The following PCNA variants were observed in gnomAD, a reference collection of about 807,000 sequenced individuals.
PCNA encodes the protein DNA sliding clamp PCNA.
Under a neutral mutation model 27.8 loss-of-function variants are expected in PCNA, and 4 were observed. That is an observed-to-expected ratio of 0.14 (90% confidence interval 0.07 to 0.33). PCNA has a LOEUF of 0.33. Ranked by LOEUF, PCNA falls within the 10% of genes least tolerant of loss-of-function variation. PCNA has a pLI of 1.00. For missense variants in PCNA, 165 were observed against 327.4 expected (o/e 0.50, Z 3.83); for synonymous variants, 121 against 119.4 (o/e 1.01, Z -0.09).
upstream of PCNA, among the ~76,000 whole-genome samples, chr20:5,120,687 T>C (rs2090513131): frequency 6.6e-6 from 1 of 152,226 alleles, no homozygotes; most frequent in Non-Finnish European, 1.5e-5. Flanking sequence ...ATAACATAAT[T>C]TATCAATCTC....
intron 1 of PCNA, among the ~76,000 whole-genome samples, chr20:5,119,135 G>A (rs2090497448): frequency 6.6e-6 from 1 of 151,920 alleles, no homozygotes; most frequent in Non-Finnish European, 1.5e-5. Context: ...CACATTTCTC[G>A]CAAGGGCATT....
intron 3 of PCNA, among the ~76,000 whole-genome samples, chr20:5,117,893 G>T (rs957587568): frequency 5.3e-5 from 8 of 152,246 alleles, no homozygotes; most frequent in Non-Finnish European, 1.5e-5. Context: ...CAGGGATAAA[G>T]TAAGAGAACA....
At position 5,118,827 on chromosome 20, in the gene PCNA, G is replaced by T. The variant is rs142530566; in HGVS notation, c.261C>A (p.Ile87=). 2.9e-5 allele frequency: 47 copies of T among 1,613,816 alleles called. No individual in the cohort carries two copies. In the African/African-American group the frequency reaches 5.7e-4, roughly 20 times the overall value. The change falls in exon 2 of 6, where the codon ATC becomes ATA. Residue 87 remains isoleucine (I), a synonymous_variant. Transcript: ENST00000379143. ...KILKCAGNED[I]ITLRAEDNAD... ...CGTTATCTTCGGCCCTTAGTGTAAT[G>T]ATATCTTCATTGCCGGCGCATTTTA...
intron 4 of PCNA, among the ~76,000 whole-genome samples, chr20:5,116,854 T>C (rs1380169776): frequency 6.6e-6 from 1 of 152,198 alleles, no homozygotes; most frequent in Non-Finnish European, 1.5e-5. Flanking sequence ...GGTTTTGCCA[T>C]GTTCTTTCTA....
intron 1 of PCNA, 106 bp downstream of exon 1, chr20:5,119,472 G>T: frequency 1.1e-6 from 1 of 897,750 alleles, no homozygotes; most frequent in Non-Finnish European, 1.7e-6. Context: ...ATGAGAAGGC[G>T]CGGATGGCCC....
intron 1 of PCNA, 24 bp downstream of exon 1, chr20:5,119,554 G>C (rs567628551): frequency 3.8e-6 from 6 of 1,593,076 alleles, no homozygotes; most frequent in Non-Finnish European, 4.3e-6. Context: ...GCCGGGGCCG[G>C]CTTCCCGGGG....
chr20:5,124,608 C>T (rs1399809285), upstream of PCNA, among the ~76,000 whole-genome samples: 1 of 146,542 alleles, frequency 6.8e-6, no homozygotes, highest in African/African-American at 2.5e-5. Flanking sequence ...CCAGCCTGAG[C>T]AACAAGAGGG....
chr20:5,115,004 A>T lies in PCNA; in HGVS notation c.*279T>A, dbSNP rs930629892. ...TTTAAATTCAAAAACAATTCTTAAA[A>T]CTGCATTTAGAGTCAAGACCCTTTT... On this transcript the variant is annotated 3_prime_UTR_variant, in exon 6 of 6. Transcript: ENST00000379143. 7.5e-6 allele frequency: 2 copies of T among 265,018 alleles called. No homozygotes were observed. Among genetic ancestry groups the T allele is most frequent in the African/African-American group, 4.5e-5 (2 of 44,298 alleles). 16.4% of individuals were successfully genotyped at this position (265,018 alleles called of 1,614,324 possible).
upstream of PCNA, among the ~76,000 whole-genome samples, chr20:5,121,069 T>G (rs2090515093): frequency 1.3e-5 from 2 of 152,196 alleles, no homozygotes; most frequent in Admixed American, 1.3e-4. Flanking sequence ...GTGATCCACC[T>G]GCCTCGGCCT....
In PCNA at chr20:5,119,916, T is replaced by C. The variant is rs2090506810; in HGVS notation, c.-118A>G. On this transcript the variant is annotated 5_prime_UTR_variant, in exon 1 of 6. Coordinates refer to ENST00000379143, the MANE Select transcript of PCNA (RefSeq NM_182649.2). ...AACGTCGCGACGACCGGCTGAGACC[T>C]AGAAAGACAACGACCACTCTGCTAC... 1.9e-5 allele frequency: 14 copies of C among 754,840 alleles called. No individual in the cohort carries two copies. The highest frequency in any genetic ancestry group is 3.7e-4 in the Middle Eastern group (1 of 2,700). The allele number at this position is 754,840 out of a possible 1,614,324, so 46.8% of individuals were successfully genotyped here. A position where few individuals can be genotyped will look rare whatever the true frequency, so the allele number is the denominator to read the frequency against.
chr20:5,117,457 A>C lies in PCNA; in HGVS notation c.582+13T>G, dbSNP rs2090483163. ...TCTTCAAACTATTTTCTTTTTACTT[A>C]AAAACTACTTACAGCTTCCTCCTCT... On this transcript the variant is annotated intron_variant, in intron 4 of 5. Coordinates refer to ENST00000379143, the MANE Select transcript of PCNA (RefSeq NM_182649.2). The C allele has an allele frequency of 6.3e-7, 1 of 1,583,972 alleles. No homozygotes were observed. The highest frequency in any genetic ancestry group is 8.6e-7 in the Non-Finnish European group (1 of 1,159,484).
chr20:5,115,759 T>G (rs1483447316), intron 4 of PCNA, among the ~76,000 whole-genome samples, 187 bp from the exon 5 acceptor site: 1 of 152,232 alleles, frequency 6.6e-6, no homozygotes, highest in Non-Finnish European at 1.5e-5. Flanking sequence ...AGCTATAATT[T>G]AGATAACCAA....
rs14453 is a variant in PCNA at position 5,115,066 on chromosome 20, A to T, written c.*217T>A. 9 of 422,726 alleles carry T rather than the reference A, an allele frequency of 2.1e-5. No homozygotes were observed. Among genetic ancestry groups the T allele is most frequent in the African/African-American group, 1.2e-4 (6 of 49,056 alleles). 26.2% of individuals were successfully genotyped at this position (422,726 alleles called of 1,614,324 possible). A position where few individuals can be genotyped will look rare whatever the true frequency, so the allele number is the denominator to read the frequency against. On this transcript the variant is annotated 3_prime_UTR_variant, in exon 6 of 6. Transcript: ENST00000379143. ...ATCACAAGTATTTCTAAGAGACAAAAATACTTCTAGGTTAACTAGACCAGA... is the reference window on the plus strand; with the variant it reads ...ATCACAAGTATTTCTAAGAGACAAATATACTTCTAGGTTAACTAGACCAGA...
chr20:5,115,398 A>G (rs1263699231), intron 5 of PCNA, 36 bp from the exon 6 acceptor site: 1 of 1,613,522 alleles, frequency 6.2e-7, no homozygotes, highest in East Asian at 2.2e-5. Context: ...ACTGAGGAGT[A>G]TGTATCACAT....
At chr20:5,118,910 T>C in intron 1 of PCNA, 44 bp from the exon 2 acceptor site, 1 of 1,361,874 alleles carries the variant, frequency 7.3e-7, no homozygotes, top group Non-Finnish European at 1.0e-6. Flanking sequence ...CGCCGTCTGC[T>C]GAAGGGCTGT....
chr20:5,124,923 G>A (rs1326518799), upstream of PCNA, among the ~76,000 whole-genome samples: 1 of 152,178 alleles, frequency 6.6e-6, no homozygotes, highest in Non-Finnish European at 1.5e-5. Context: ...TATTAGGCTG[G>A]ATTTGAAAAG....
chr20:5,116,924 C>T (rs2090479203), intron 4 of PCNA, among the ~76,000 whole-genome samples: 1 of 152,180 alleles, frequency 6.6e-6, no homozygotes, highest in East Asian at 1.9e-4. Context: ...TGCTTTCTAG[C>T]CTTAGTGAGA....
chr20:5,124,907 T>G (rs556208748), upstream of PCNA, among the ~76,000 whole-genome samples: 24 of 152,346 alleles, frequency 1.6e-4, no homozygotes, highest in Non-Finnish European at 3.5e-4. Flanking sequence ...TCTCCAAGCC[T>G]CCTTTTATTA....
upstream of PCNA, among the ~76,000 whole-genome samples, chr20:5,121,068 C>G (rs2090515080): frequency 1.3e-5 from 2 of 152,218 alleles, no homozygotes; most frequent in Admixed American, 1.3e-4. Context: ...GGTGATCCAC[C>G]TGCCTCGGCC....
Sources: allele counts gnomAD v4.1 joint callset (sites outside exome capture counted in the v4.1 genomes callset), GRCh38; gene constraint gnomAD v4.1.1; transcripts MANE v1.5; gene names NCBI Gene and HGNC (gene_info 2026-07-23, HGNC 2026-07-21).